CADM1: variants seen among roughly 807,000 people sequenced by gnomAD.
CADM1 encodes the protein cell adhesion molecule 1, also known as TSLC-1.
CADM1 carries 15 observed loss-of-function variants against 53.1 expected under a neutral mutation model. The ratio of observed to expected loss-of-function variants is 0.28; its 90% CI spans 0.19 to 0.44. The LOEUF is 0.44. CADM1 is among the 20% of genes least tolerant of loss of function. The pLI is 1.00. For synonymous variants in CADM1, 281 were observed against 243.0 expected, an observed-to-expected ratio of 1.16 and a Z score of -1.45; for missense variants, 434 against 611.3, an observed-to-expected ratio of 0.71 and a Z score of 3.06.
At chr11:115,315,105 C>T (rs566714751) in intron 1 of CADM1, among the ~76,000 whole-genome samples, 1 of 152,240 alleles carries the variant, frequency 6.6e-6, no homozygotes. Context: ...AAGTACATCC[C>T]TGTCAGAAAT....
At position 115,289,345 on chromosome 11, in the gene CADM1, A is replaced by C. The variant is rs774466935; in HGVS notation, c.125-48925T>G. Among the ~76,000 whole-genome samples the C allele has an allele frequency of 9.5e-4, 145 of 152,204 alleles. No homozygotes were observed. In the Middle Eastern group the frequency reaches 0.01, roughly 11 times the overall value. On this transcript the variant is annotated intron_variant, in intron 1 of 11. Transcript: ENST00000331581. ...GCACCACTGCACTCCAGCCTGGGCG[A>C]CAGAGTGAGATTCCATCTCAAAAAA...
intron 10 of CADM1, among the ~76,000 whole-genome samples, chr11:115,182,823 T>A (rs1939374860): frequency 6.6e-6 from 1 of 152,178 alleles, no homozygotes; most frequent in Non-Finnish European, 1.5e-5. Context: ...TGGCTCTAAG[T>A]GTGACAGATA....
chr11:115,427,079 G>A (rs1195482695), intron 1 of CADM1, among the ~76,000 whole-genome samples: 4 of 152,058 alleles, frequency 2.6e-5, no homozygotes, highest in Non-Finnish European at 4.4e-5. Context: ...CCGAAACAAA[G>A]TTTAAAATGA....
chr11:115,335,697 G>C (rs549398073), intron 1 of CADM1, among the ~76,000 whole-genome samples: 221 of 152,066 alleles, frequency 1.5e-3, no homozygotes, highest in Admixed American at 2.8e-3. Context: ...ATCATGCACT[G>C]GTCATTTGGA....
chr11:115,305,282 C>CG (rs1486371207), intron 1 of CADM1, among the ~76,000 whole-genome samples: 2 of 151,996 alleles, frequency 1.3e-5, no homozygotes, highest in Non-Finnish European at 2.9e-5. Flanking sequence ...CTCCTGCCTA[C>CG]GGGCGCCTTC....
chr11:115,217,770 A>G, intron 6 of CADM1, 122 bp downstream of exon 6: 1 of 746,278 alleles, frequency 1.3e-6, no homozygotes, highest in Non-Finnish European at 2.5e-6. Flanking sequence ...TTAGTTCCTG[A>G]AAAACCATCC....
intron 1 of CADM1, among the ~76,000 whole-genome samples, chr11:115,503,856 C>T (rs896698003): frequency 2.6e-5 from 4 of 151,720 alleles, no homozygotes; most frequent in Admixed American, 2.6e-4. Context: ...GAGGTGGGGG[C>T]GAATGGACAG....
At chr11:115,502,999 G>A (rs572610737) in intron 1 of CADM1, among the ~76,000 whole-genome samples, 2 of 152,262 alleles carry the variant, frequency 1.3e-5, no homozygotes, top group East Asian at 1.9e-4. Context: ...GCAAGGAGGG[G>A]CTTTGCAGGC....
chr11:115,447,745 G>A (rs996205589), intron 1 of CADM1, among the ~76,000 whole-genome samples: 3 of 152,130 alleles, frequency 2.0e-5, no homozygotes, highest in Non-Finnish European at 4.4e-5. Context: ...GTATCAGAGT[G>A]CCTCCAAAGA....
At chr11:115,218,095 C>T (rs1000513953) in intron 5 of CADM1, 104 bp from the exon 6 acceptor site, 2 of 753,560 alleles carry the variant, frequency 2.7e-6, no homozygotes, top group Non-Finnish European at 4.7e-6. Flanking sequence ...CTTACTCTCT[C>T]CCATCCGATG....
chr11:115,186,901 G>A (rs1359843836), intron 10 of CADM1, among the ~76,000 whole-genome samples: 1 of 152,198 alleles, frequency 6.6e-6, no homozygotes, highest in Non-Finnish European at 1.5e-5. Flanking sequence ...CGGTAGGAGA[G>A]CAGGGGCCCT....
intron 1 of CADM1, among the ~76,000 whole-genome samples, chr11:115,390,540 G>GA (rs1421773965): frequency 1.3e-5 from 2 of 151,810 alleles, no homozygotes; most frequent in African/African-American, 4.8e-5. Flanking sequence ...CCTGTGCTTT[G>GA]AAAAACTAAG....
chr11:115,300,557 T>A (rs1158005486), intron 1 of CADM1, among the ~76,000 whole-genome samples: 1 of 152,164 alleles, frequency 6.6e-6, no homozygotes, highest in Non-Finnish European at 1.5e-5. Context: ...AGAAAGCACA[T>A]ACTATCGAAA....
chr11:115,428,511 T>C (rs1947955775), intron 1 of CADM1, among the ~76,000 whole-genome samples: 1 of 152,186 alleles, frequency 6.6e-6, no homozygotes, highest in Non-Finnish European at 1.5e-5. Context: ...GTCATCAGAT[T>C]TGTTGCTCAT....
At chr11:115,406,254 T>C (rs577649264) in intron 1 of CADM1, among the ~76,000 whole-genome samples, 28 of 152,098 alleles carry the variant, frequency 1.8e-4, no homozygotes, top group African/African-American at 6.3e-4. Flanking sequence ...CTCGCTTCCT[T>C]AAGGATTTCT....
chr11:115,311,603 G>C (rs1408271230), intron 1 of CADM1, among the ~76,000 whole-genome samples: 2 of 151,980 alleles, frequency 1.3e-5, no homozygotes, highest in African/African-American at 4.8e-5. Flanking sequence ...GTTGTTCAAG[G>C]GTCAAATATA....
At chr11:115,338,429 T>G (rs1945324758) in intron 1 of CADM1, among the ~76,000 whole-genome samples, 1 of 152,164 alleles carries the variant, frequency 6.6e-6, no homozygotes, top group South Asian at 2.1e-4. Flanking sequence ...TGTCTCAAAT[T>G]TTAGAGAAAC....
intron 5 of CADM1, among the ~76,000 whole-genome samples, chr11:115,218,945 C>T (rs1377351290): frequency 6.6e-6 from 1 of 152,128 alleles, no homozygotes; most frequent in African/African-American, 2.4e-5. Context: ...AATACATTAA[C>T]AAATAAAATC....
At chr11:115,207,786 G>A (rs994906209) in intron 8 of CADM1, among the ~76,000 whole-genome samples, 16 of 152,264 alleles carry the variant, frequency 1.1e-4, no homozygotes, top group South Asian at 2.1e-4. Context: ...CAAGTTCTGC[G>A]AAGATAAAAT....
Sources: allele counts gnomAD v4.1 joint callset (sites outside exome capture counted in the v4.1 genomes callset), GRCh38; gene constraint gnomAD v4.1.1; transcripts MANE v1.5; gene names NCBI Gene and HGNC (gene_info 2026-07-23, HGNC 2026-07-21).